WWTR1: variants seen among roughly 807,000 people sequenced by gnomAD.
The protein encoded by WWTR1 is WW domain-containing transcription regulator protein 1.
In WWTR1, 13 loss-of-function variants were observed where a neutral mutation model predicts 40.1. The observed-to-expected ratio is 0.32, with a 90% CI of 0.21 to 0.52. The LOEUF (loss-of-function observed/expected upper bound fraction) is 0.52, where lower values mean the gene tolerates loss of function less well. Among genes scored for constraint, WWTR1 ranks in the 20% least tolerant of loss-of-function variants. The probability of loss-of-function intolerance (pLI) is 0.97; values close to 1 mark genes in which losing one functional copy is unlikely to be tolerated. For synonymous variants in WWTR1, 230 were observed against 210.1 expected (o/e 1.09, Z -0.82); for missense variants, 436 against 523.1 (o/e 0.83, Z 1.63).
At chr3:149,690,683 C>G (rs549322216) in intron 1 of WWTR1, among the ~76,000 whole-genome samples, 15 of 152,110 alleles carry the variant, frequency 9.9e-5, no homozygotes, top group Admixed American at 9.8e-4. Flanking sequence ...ACTTTAGCAC[C>G]CTGCTTTTAG....
chr3:149,671,965 C>A (rs1450730113), intron 1 of WWTR1, among the ~76,000 whole-genome samples: 1 of 152,080 alleles, frequency 6.6e-6, no homozygotes, highest in African/African-American at 2.4e-5. Context: ...TGGGTGAGGT[C>A]CCCAGGTAAG....
intron 4 of WWTR1, among the ~76,000 whole-genome samples, chr3:149,719,767 C>A (rs993338758): frequency 6.6e-6 from 1 of 152,198 alleles, no homozygotes; most frequent in African/African-American, 2.4e-5. Flanking sequence ...ACATACCCTG[C>A]AAACACATTT....
intron 2 of WWTR1, among the ~76,000 whole-genome samples, chr3:149,605,747 C>T (rs558229419): frequency 6.6e-6 from 1 of 152,248 alleles, no homozygotes; most frequent in African/African-American, 2.4e-5. Context: ...TACAGACTCC[C>T]TCAAGCCCCA....
intron 3 of WWTR1, among the ~76,000 whole-genome samples, chr3:149,545,564 C>T (rs1736327115): frequency 6.6e-6 from 1 of 152,202 alleles, no homozygotes; most frequent in Admixed American, 6.5e-5. Context: ...CTCTATCACC[C>T]AGGCTGGAGT....
intron 4 of WWTR1, among the ~76,000 whole-genome samples, chr3:149,722,605 A>T (rs1013078928): frequency 6.6e-6 from 1 of 151,944 alleles, no homozygotes; most frequent in Non-Finnish European, 1.5e-5. Context: ...ATTTCTTCAA[A>T]TATTCTCTCT....
chr3:149,612,105 A>G (rs1739761343), intron 2 of WWTR1, among the ~76,000 whole-genome samples: 1 of 152,172 alleles, frequency 6.6e-6, no homozygotes, highest in Admixed American at 6.5e-5. Flanking sequence ...GAAGACACTC[A>G]TATTGGAAAG....
chr3:149,531,398 C>A (rs1735574954), intron 4 of WWTR1, among the ~76,000 whole-genome samples: 3 of 152,162 alleles, frequency 2.0e-5, no homozygotes, highest in Admixed American at 2.0e-4. Context: ...CTAAAGCGAC[C>A]TGCTTCTTGT....
chr3:149,638,970 T>C (rs1382484947), intron 2 of WWTR1, among the ~76,000 whole-genome samples: 1 of 152,202 alleles, frequency 6.6e-6, no homozygotes, highest in African/African-American at 2.4e-5. Flanking sequence ...AAACGAGAGA[T>C]ACTGGCATCT....
chr3:149,670,390 T>C (rs1229258666), intron 1 of WWTR1, among the ~76,000 whole-genome samples: 1 of 152,160 alleles, frequency 6.6e-6, no homozygotes, highest in Non-Finnish European at 1.5e-5. Context: ...CCACAGCCCC[T>C]ACCGCTGTAG....
chr3:149,591,650 G>A (rs1738729167), intron 2 of WWTR1, among the ~76,000 whole-genome samples: 1 of 152,000 alleles, frequency 6.6e-6, no homozygotes, highest in Non-Finnish European at 1.5e-5. Context: ...ACCTTTTCAT[G>A]ATAATATCTT....
At chr3:149,626,727 T>C (rs1388277590) in intron 2 of WWTR1, among the ~76,000 whole-genome samples, 2 of 152,056 alleles carry the variant, frequency 1.3e-5, no homozygotes, top group Admixed American at 6.5e-5. Context: ...ACCACCCATA[T>C]TGAATGTGTA....
At chr3:149,530,312 T>C (rs1735508108) in intron 4 of WWTR1, among the ~76,000 whole-genome samples, 1 of 150,856 alleles carries the variant, frequency 6.6e-6, no homozygotes, top group South Asian at 2.1e-4. Flanking sequence ...TGCACCACCA[T>C]ACTCCAGCCT....
intron 4 of WWTR1, chr3:149,540,929 T>G (rs1412974947): frequency 4.7e-6 from 2 of 425,658 alleles, no homozygotes; most frequent in African/African-American, 2.1e-5. Context: ...CTGGAATGTA[T>G]TTGATGAGAA....
chr3:149,602,980 C>G (rs1027209303), intron 2 of WWTR1, among the ~76,000 whole-genome samples: 9 of 147,370 alleles, frequency 6.1e-5, no homozygotes, highest in African/African-American at 2.1e-4. Context: ...AATTTTAAAG[C>G]CAAAGATAAA....
upstream of WWTR1, among the ~76,000 whole-genome samples, chr3:149,706,890 C>T (rs1001651605): frequency 5.3e-5 from 8 of 152,110 alleles, no homozygotes; most frequent in Admixed American, 2.6e-4. Flanking sequence ...CACTCAATTG[C>T]TCCGTGGTAT....
chr3:149,697,253 A>AAGTGGCAGCAGGCATGTCATGTGGCAAG (rs1715024203), intron 1 of WWTR1, among the ~76,000 whole-genome samples: 1 of 151,854 alleles, frequency 6.6e-6, no homozygotes, highest in South Asian at 2.1e-4. Context: ...AGCAGAAGGT[A>AAGTGGCAGCAGGCATGTCATGTGGCAAG]AGTGGGAGCA....
chr3:149,614,976 T>G (rs1357172173), intron 2 of WWTR1, among the ~76,000 whole-genome samples: 1 of 151,384 alleles, frequency 6.6e-6, no homozygotes, highest in Non-Finnish European at 1.5e-5. Flanking sequence ...AGAGCAAAAC[T>G]CTGTCTCAAA....
intron 3 of WWTR1, 94 bp downstream of exon 3, chr3:149,572,770 C>G (rs532947447): frequency 6.9e-6 from 10 of 1,447,082 alleles, no homozygotes; most frequent in African/African-American, 1.4e-5. Context: ...TTGTTTGAGC[C>G]CACGAGTTCA....
chr3:149,692,617 C>CTGTT (rs138842308), intron 1 of WWTR1, among the ~76,000 whole-genome samples: 4,462 of 150,980 alleles, frequency 0.03, 204 homozygotes, highest in East Asian at 0.22. Flanking sequence ...ACTTTCACCA[C>CTGTT]TGTTTGTTTG....
Sources: gnomAD v4.1 joint callset for allele counts (sites outside exome capture counted in the v4.1 genomes callset) on GRCh38, gnomAD v4.1.1 for gene constraint, MANE v1.5 for transcripts, NCBI Gene and HGNC (gene_info 2026-07-23, HGNC 2026-07-21) for gene names.